Variants in ENOX2 observed in about 807,000 individuals in gnomAD.
ENOX2 encodes the protein APK1 antigen.
In ENOX2, 36 loss-of-function variants were observed where a neutral mutation model predicts 45.0. That is an observed-to-expected ratio of 0.80 (90% CI 0.61 to 1.06). The LOEUF is 1.06. Among genes scored for constraint, ENOX2 ranks in the 50% least tolerant of loss-of-function variants. ENOX2 has a pLI of 0.00. For missense variants in ENOX2, 423 were observed against 462.5 expected, an observed-to-expected ratio of 0.91 and a Z score of 0.78; for synonymous variants, 174 against 152.3, an observed-to-expected ratio of 1.14 and a Z score of -1.05.
chrX:130,709,905 T>A (rs1422788048), intron 3 of ENOX2, among the ~76,000 whole-genome samples: 1 of 109,912 alleles, frequency 9.1e-6, no homozygotes, highest in African/African-American at 3.3e-5. Flanking sequence ...CCTAATGCTA[T>A]CCCTCTCCTA....
chrX:130,829,138 C>T (rs1488308808), intron 2 of ENOX2, among the ~76,000 whole-genome samples: 2 of 111,168 alleles, frequency 1.8e-5, no homozygotes, highest in South Asian at 3.8e-4. Context: ...TGTTGCTCTT[C>T]GGTGCTCCAT....
At chrX:130,637,537 A>T in intron 10 of ENOX2, 127 bp from the exon 11 acceptor site, 1 of 489,504 alleles carries the variant, frequency 2.0e-6, no homozygotes, top group Non-Finnish European at 3.3e-6. Context: ...TCTCAGCAAG[A>T]GATAGATACA....
At chrX:130,736,379 G>A (rs952637141) in intron 3 of ENOX2, among the ~76,000 whole-genome samples, 18 of 110,997 alleles carry the variant, frequency 1.6e-4, no homozygotes, top group Admixed American at 1.9e-4. Context: ...AATGCTATGG[G>A]ATTGTGGCTA....
At chrX:130,632,403 TCCATGA>T (rs1368871504) in intron 12 of ENOX2, among the ~76,000 whole-genome samples, 2 of 79,562 alleles carry the variant, frequency 2.5e-5, no homozygotes, top group East Asian at 4.2e-4. Context: ...TCAGGTGAAA[TCCATGA>T]CCAGCAGTCA....
At chrX:130,677,489 T>TA (rs779408358) in intron 6 of ENOX2, among the ~76,000 whole-genome samples, 1 of 112,266 alleles carries the variant, frequency 8.9e-6, no homozygotes, top group Non-Finnish European at 1.9e-5. Context: ...GTCTAGCACT[T>TA]AGACTCAATT....
At chrX:130,883,987 AAC>A (rs1389236598) in intron 2 of ENOX2, among the ~76,000 whole-genome samples, 3 of 112,566 alleles carry the variant, frequency 2.7e-5, no homozygotes, top group African/African-American at 9.7e-5. Flanking sequence ...TAGAAAAAGG[AAC>A]ACAGTGAGGG....
At chrX:130,729,105 T>C (rs1054690554) in intron 3 of ENOX2, among the ~76,000 whole-genome samples, 2 of 111,453 alleles carry the variant, frequency 1.8e-5, no homozygotes, top group African/African-American at 6.5e-5. Context: ...ATGACTACCA[T>C]CTTTAATATA....
intron 2 of ENOX2, among the ~76,000 whole-genome samples, chrX:130,835,433 G>A (rs768875029): frequency 6.3e-5 from 7 of 110,907 alleles, no homozygotes; most frequent in African/African-American, 2.0e-4. Context: ...ATTCACACCA[G>A]TATTAAGGGG....
intron 9 of ENOX2, 78 bp downstream of exon 9, chrX:130,665,565 G>T: frequency 1.4e-6 from 1 of 692,634 alleles, no homozygotes; most frequent in Non-Finnish European, 2.3e-6. Flanking sequence ...ATTTAATTCT[G>T]GCTAAACTCC....
intron 2 of ENOX2, among the ~76,000 whole-genome samples, chrX:130,868,198 GA>G (rs1294228664): frequency 3.6e-5 from 4 of 110,659 alleles, no homozygotes; most frequent in Admixed American, 1.9e-4. Context: ...ATTCTTAAGA[GA>G]AATAAAAACA....
At chrX:130,786,130 T>A (rs1368313226) in intron 2 of ENOX2, among the ~76,000 whole-genome samples, 1 of 113,102 alleles carries the variant, frequency 8.8e-6, no homozygotes, top group African/African-American at 3.2e-5. Flanking sequence ...AGCGCCCAAA[T>A]GAATTAATCC....
intron 2 of ENOX2, among the ~76,000 whole-genome samples, chrX:130,784,274 T>C (rs1034118988): frequency 8.1e-5 from 9 of 111,547 alleles, no homozygotes; most frequent in African/African-American, 2.9e-4. Flanking sequence ...AATGTTAATC[T>C]CATTCTCTTC....
chrX:130,665,785 G>T, intron 8 of ENOX2, 36 bp from the exon 9 acceptor site: 2 of 853,444 alleles, frequency 2.3e-6, no homozygotes, highest in East Asian at 3.2e-5. Flanking sequence ...TCAGGCCAGG[G>T]TATCATCCAG....
chrX:130,661,236 T>C (rs1413492942), intron 9 of ENOX2, among the ~76,000 whole-genome samples: 12 of 108,523 alleles, frequency 1.1e-4, no homozygotes, highest in Non-Finnish European at 2.3e-4. Flanking sequence ...TTGCCCAGGC[T>C]GGAGTGCAGT....
chrX:130,735,554 T>C (rs745822890), intron 3 of ENOX2, among the ~76,000 whole-genome samples: 4 of 112,198 alleles, frequency 3.6e-5, no homozygotes, highest in Non-Finnish European at 7.5e-5. Flanking sequence ...CTGTTCACCA[T>C]AGAAGAGAGG....
At chrX:130,629,152 A>T (rs765821956) in intron 13 of ENOX2, among the ~76,000 whole-genome samples, 46 of 112,320 alleles carry the variant, frequency 4.1e-4, no homozygotes, top group Non-Finnish European at 7.7e-4. Flanking sequence ...ATCTGTTCCA[A>T]AGGGATGCTA....
intron 2 of ENOX2, among the ~76,000 whole-genome samples, chrX:130,818,672 G>A (rs2077535496): frequency 8.9e-6 from 1 of 111,816 alleles, no homozygotes; most frequent in East Asian, 2.8e-4. Flanking sequence ...TTAATAAATG[G>A]TATTGGAAAA....
At chrX:130,646,070 C>T (rs894128479) in intron 10 of ENOX2, 40 of 550,136 alleles carry the variant, frequency 7.3e-5, no homozygotes, top group Admixed American at 3.4e-4. Flanking sequence ...AGTACTGCTG[C>T]GATGGCTGCT....
At position 130,792,476 on chromosome X, in the gene ENOX2, TTTAAA is replaced by T. The variant is rs1427740050; in HGVS notation, c.-182-8791_-182-8787del. 3.6e-5 allele frequency among the ~76,000 whole-genome samples: 4 copies of T among 112,629 alleles called. No individual in the cohort carries two copies. The East Asian group carries it at 1.1e-3, about 31-fold the overall frequency. ...AGTAGCCACTAGCCATATGTAGCTC[TTTAAA>T]TTAATTAAAATGGAATAAAATGAAA... On this transcript the variant is annotated intron_variant, in intron 2 of 14. Coordinates refer to ENST00000394363, the MANE Select transcript of ENOX2 (RefSeq NM_006375.4).
Sources: allele counts gnomAD v4.1 joint callset (sites outside exome capture counted in the v4.1 genomes callset), GRCh38; gene constraint gnomAD v4.1.1; transcripts MANE v1.5; gene names NCBI Gene and HGNC (gene_info 2026-07-23, HGNC 2026-07-21).